USP10: variants seen among roughly 807,000 people sequenced by gnomAD.
USP10 encodes ubiquitin specific peptidase 10, also known as ubiquitin carboxyl-terminal hydrolase 10.
Under a neutral mutation model 84.5 loss-of-function variants are expected in USP10, and 22 were observed. That is an observed-to-expected ratio of 0.26 (90% CI 0.19 to 0.37). USP10 has a LOEUF of 0.37. Ranked by LOEUF, USP10 falls within the 10% of genes least tolerant of loss-of-function variation. USP10 has a pLI of 1.00. For synonymous variants in USP10, 454 were observed against 387.6 expected (o/e 1.17, Z -2.01); for missense variants, 1,019 against 998.9 (o/e 1.02, Z -0.27).
intron 12 of USP10, 36 bp from the exon 13 acceptor site, chr16:84,775,124 A>T: frequency 1.3e-6 from 2 of 1,599,668 alleles, no homozygotes. Flanking sequence ...GAACCTTTCT[A>T]AAAGTGCTTC....
At chr16:84,749,866 C>T (rs1382739184) in intron 4 of USP10, among the ~76,000 whole-genome samples, 3 of 152,072 alleles carry the variant, frequency 2.0e-5, no homozygotes, top group African/African-American at 7.2e-5. Context: ...GCCATCTCCT[C>T]GGTGTAGGTT....
At chr16:84,740,476 A>G in intron 3 of USP10, 107 bp downstream of exon 3, 1 of 945,354 alleles carries the variant, frequency 1.1e-6, no homozygotes, top group Non-Finnish European at 1.6e-6. Context: ...ATTTCTTTGT[A>G]GCTTGAAGTT....
intron 2 of USP10, among the ~76,000 whole-genome samples, chr16:84,737,212 G>A (rs982309423): frequency 4.6e-5 from 7 of 152,188 alleles, no homozygotes; most frequent in African/African-American, 1.2e-4. Context: ...CTATAGCCAC[G>A]GGCCCAGGTA....
At position 84,778,995 on chromosome 16, in the gene USP10, C is replaced by T; in HGVS notation, c.2310C>T (p.Val770=). The T allele has an allele frequency of 6.2e-7, 1 of 1,614,046 alleles. No homozygotes were observed. Among genetic ancestry groups the T allele is most frequent in the East Asian group, 2.2e-5 (1 of 44,886 alleles). ...NGWLRIDDQT[V]KVINQYQVVK... is the part of the protein sequence containing the mutation. ...GGCTGCGCATCGATGACCAGACAGT[C>T]AAGGTGATCAACCAGTACCAGGTGG... Residue 770 remains valine (V), a synonymous_variant, in exon 14 of 14, where the codon GTC becomes GTT. Transcript: ENST00000219473.
intron 1 of USP10, among the ~76,000 whole-genome samples, chr16:84,701,821 G>T (rs1047731358): frequency 6.6e-6 from 1 of 152,002 alleles, no homozygotes; most frequent in African/African-American, 2.4e-5. Context: ...TTGGCGGAAC[G>T]TAAATGTTAG....
intron 1 of USP10, among the ~76,000 whole-genome samples, chr16:84,730,287 T>G (rs901641604): frequency 1.6e-4 from 25 of 152,248 alleles, no homozygotes; most frequent in Non-Finnish European, 3.1e-4. Flanking sequence ...TTTTCCTACC[T>G]TTTTTACACC....
At chr16:84,715,100 T>C (rs1355611533) in intron 1 of USP10, among the ~76,000 whole-genome samples, 1 of 152,110 alleles carries the variant, frequency 6.6e-6, no homozygotes, top group Non-Finnish European at 1.5e-5. Flanking sequence ...AGCTACTTTT[T>C]ATATTTTTTA....
intron 1 of USP10, among the ~76,000 whole-genome samples, chr16:84,715,618 A>T (rs533540537): frequency 8.6e-5 from 13 of 151,716 alleles, no homozygotes; most frequent in Non-Finnish European, 1.8e-4. Flanking sequence ...TACCCCATTT[A>T]TGTGTTAGGG....
At chr16:84,718,004 C>A (rs1907274858) in intron 1 of USP10, among the ~76,000 whole-genome samples, 1 of 152,096 alleles carries the variant, frequency 6.6e-6, no homozygotes, top group South Asian at 2.1e-4. Context: ...TTCAAAGTTC[C>A]TTACCTAAGA....
At position 84,744,702 on chromosome 16, in the gene USP10, C is replaced by A; in HGVS notation, c.221C>A (p.Thr74Asn). 1.2e-6 allele frequency: 2 copies of A among 1,613,632 alleles called. No homozygotes were observed. The highest frequency in any genetic ancestry group is 1.7e-6 in the Non-Finnish European group (2 of 1,179,710). ...VIEPSDTLPR[T>N]PSYSISSTLN... is the part of the protein sequence containing the mutation. ...GAACCCAGTGACACTTTGCCGAGAA[C>A]CCCCAGCTACAGTATTTCAAGCACA... Residue 74 changes from threonine (T) to asparagine (N), a missense_variant, in exon 4 of 14, where the codon ACC becomes AAC. Physicochemically the swap from Thr to Asn is moderately conservative, Grantham distance 65 (BLOSUM62 0). This residue lies in a region of USP10 where 787 missense variants were observed against 708.8 expected (regional missense o/e 1.11). Transcript: ENST00000219473.
At chr16:84,720,186 G>C (rs750722268) in intron 1 of USP10, among the ~76,000 whole-genome samples, 4 of 152,304 alleles carry the variant, frequency 2.6e-5, no homozygotes, top group Non-Finnish European at 4.4e-5. Context: ...CATTTCTGTA[G>C]CTAGGTTCTT....
rs769707174 is a variant in USP10, at chr16:84,752,969, AT to A, written c.1193-5737del. On this transcript the variant is annotated intron_variant, in intron 4 of 13. Transcript: ENST00000219473. ...ATGGAGCTTTATTTTTTAAAAACGT[AT>A]TTTTTTTTTCTTAAGAAACAGGGTC... Among the ~76,000 whole-genome samples the A allele has an allele frequency of 3.8e-3, 574 of 149,660 alleles. 4 individuals are homozygous for A. Among genetic ancestry groups the A allele is most frequent in the African/African-American group, 0.013 (548 of 40,822 alleles).
At chr16:84,756,449 C>T (rs1912554723) in intron 4 of USP10, among the ~76,000 whole-genome samples, 1 of 152,008 alleles carries the variant, frequency 6.6e-6, no homozygotes, top group Non-Finnish European at 1.5e-5. Context: ...AAAAATTAGC[C>T]GGGCGTGGTG....
intron 1 of USP10, among the ~76,000 whole-genome samples, chr16:84,711,811 C>T (rs897910833): frequency 6.6e-6 from 1 of 150,566 alleles, no homozygotes; most frequent in Non-Finnish European, 1.5e-5. Flanking sequence ...CCTCTGCCTC[C>T]GGGGCTCAAG....
At chr16:84,743,734 C>T (rs182860514) in intron 3 of USP10, among the ~76,000 whole-genome samples, 1 of 152,296 alleles carries the variant, frequency 6.6e-6, no homozygotes, top group African/African-American at 2.4e-5. Context: ...AACCTGATTT[C>T]AGAGGTGTAA....
At chr16:84,720,290 G>A (rs1009523889) in intron 1 of USP10, among the ~76,000 whole-genome samples, 3 of 152,138 alleles carry the variant, frequency 2.0e-5, no homozygotes, top group Non-Finnish European at 4.4e-5. Context: ...CTGTTGGTCC[G>A]GTTCCAGCGT....
intron 1 of USP10, chr16:84,704,697 C>T: frequency 6.7e-7 from 1 of 1,481,746 alleles, no homozygotes; most frequent in Non-Finnish European, 8.9e-7. Flanking sequence ...ATCTTCAGAT[C>T]CTAGATTTTT....
chr16:84,774,007 T>C (rs546989296), intron 12 of USP10, among the ~76,000 whole-genome samples: 1 of 152,294 alleles, frequency 6.6e-6, no homozygotes, highest in South Asian at 2.1e-4. Flanking sequence ...CCCAGCACTT[T>C]GGGAGGCCGA....
chr16:84,756,813 C>A (rs2150843520), intron 4 of USP10, among the ~76,000 whole-genome samples: 1 of 152,264 alleles, frequency 6.6e-6, no homozygotes, highest in South Asian at 2.1e-4. Context: ...GTGGCACACA[C>A]TAGAAATGAT....
Sources: gnomAD v4.1 joint callset for allele counts (sites outside exome capture counted in the v4.1 genomes callset) on GRCh38, gnomAD v4.1.1 for gene constraint, gnomAD v4.1.1 regional missense constraint, MANE v1.5 for transcripts, NCBI Gene and HGNC (gene_info 2026-07-23, HGNC 2026-07-21) for gene names.